Variants in L3HYPDH observed in about 807,000 individuals in gnomAD.
The protein encoded by L3HYPDH is trans-L-3-hydroxyproline dehydratase.
L3HYPDH carries 32 observed loss-of-function variants against 26.5 expected under a neutral mutation model. The observed-to-expected ratio is 1.21, with a 90% confidence interval of 0.91 to 1.62. L3HYPDH has a LOEUF of 1.62. L3HYPDH is among the 40% of genes most tolerant of loss of function. The pLI is 0.00. For missense variants in L3HYPDH, 554 were observed against 476.4 expected (o/e 1.16, Z -1.52); for synonymous variants, 215 against 196.6 (o/e 1.09, Z -0.78).
chr14:59,474,791 A>G (rs1490110537), intron 4 of L3HYPDH: 1 of 347,834 alleles, frequency 2.9e-6, no homozygotes, highest in African/African-American at 2.1e-5. Context: ...TTGGAAACTG[A>G]TGCACAGTGA....
downstream of L3HYPDH, among the ~76,000 whole-genome samples, chr14:59,470,855 CCA>C (rs1483834296): frequency 6.6e-6 from 1 of 150,552 alleles, no homozygotes; most frequent in Non-Finnish European, 1.5e-5. Flanking sequence ...TGACAGCCAT[CCA>C]CAGAGGGAAG....
rs764031959 is a variant in L3HYPDH, at chr14:59,484,065, C to G, written c.252G>C (p.Glu84Asp). The stretch of plus-strand genomic sequence containing the variant: ...GGACGCCCAGATGCGCGTCCGGCAG[C>G]TCGCTCGGGACTAGGACCGCCCCGT... ...DMYGAVLVPS[E>D]LPDAHLGVLF... Residue 84 changes from glutamate (E) to aspartate (D), a missense_variant, in exon 1 of 5, where the codon GAG (glutamate) becomes GAC (aspartate). Transcript: ENST00000247194. The G allele has an allele frequency of 3.7e-5, 59 of 1,606,992 alleles. No individual in the cohort carries two copies. The Admixed American group carries it at 6.7e-4, about 18-fold the overall frequency.
intron 2 of L3HYPDH, among the ~76,000 whole-genome samples, chr14:59,477,679 C>T (rs1889731106): frequency 6.6e-6 from 1 of 152,088 alleles, no homozygotes; most frequent in Non-Finnish European, 1.5e-5. Flanking sequence ...TCAAAAGTTG[C>T]TATCATAATA....
In L3HYPDH at chr14:59,472,833, C is replaced by A. The variant is rs147948517; in HGVS notation, c.*132G>T. The A allele has an allele frequency of 4.3e-4, 305 of 703,782 alleles. No individual in the cohort carries two copies. The African/African-American group carries it at 5.1e-3, about 12-fold the overall frequency. The allele number at this position is 703,782 out of a possible 1,614,324, so 43.6% of individuals were successfully genotyped here. On this transcript the variant is annotated 3_prime_UTR_variant, in exon 5 of 5. Coordinates refer to ENST00000247194, the MANE Select transcript of L3HYPDH (RefSeq NM_144581.2). ...GGTATAATGACTTTATATTTAGCCA[C>A]AGGGTAGTATTTTACAAAGAATGAG...
In L3HYPDH at chr14:59,484,254, C is replaced by T. The variant is rs777833335; in HGVS notation, c.63G>A (p.Ser21=). The T allele has an allele frequency of 1.7e-5, 27 of 1,597,834 alleles. No individual in the cohort carries two copies. In the South Asian group the frequency reaches 2.7e-4, roughly 16 times the overall value. ...CGCCGCCCGTGTGCATGTCCACCACCGACAGCACCGGCGTCCCTGGATCAT... is the reference window on the plus strand; with the variant it reads ...CGCCGCCCGTGTGCATGTCCACCACTGACAGCACCGGCGTCCCTGGATCAT... ...PPHDPGTPVL[S]VVDMHTGGEP... Residue 21 remains serine (S), a synonymous_variant, in exon 1 of 5, where the codon TCG becomes TCA. Transcript: ENST00000247194.
chr14:59,468,302 C>A (rs147872016), downstream of L3HYPDH, among the ~76,000 whole-genome samples: 1 of 152,326 alleles, frequency 6.6e-6, no homozygotes, highest in Non-Finnish European at 1.5e-5. Flanking sequence ...CAAGGCACTG[C>A]ATGATTTGAC....
chr14:59,486,124 A>G (rs1359671944), upstream of L3HYPDH, among the ~76,000 whole-genome samples: 2 of 152,226 alleles, frequency 1.3e-5, no homozygotes, highest in African/African-American at 2.4e-5. Flanking sequence ...ATATTGGCCC[A>G]GTGACAGCCT....
At chr14:59,470,965 G>C (rs1232776956), downstream of L3HYPDH, among the ~76,000 whole-genome samples, 13 of 127,308 alleles carry the variant, frequency 1.0e-4, no homozygotes, top group South Asian at 2.6e-3. Context: ...CGGGGGGGGG[G>C]GGAGGGCAGG....
intron 1 of L3HYPDH, among the ~76,000 whole-genome samples, chr14:59,483,180 A>C (rs1890167345): frequency 6.6e-6 from 1 of 152,260 alleles, no homozygotes; most frequent in Non-Finnish European, 1.5e-5. Flanking sequence ...AGGGAAAAGA[A>C]GAAACACAGG....
chr14:59,498,948 T>C, the L3HYPDH span: 2 of 1,166,532 alleles, frequency 1.7e-6, no homozygotes, highest in African/African-American at 1.6e-5. Context: ...ATATTTATTA[T>C]TGTATGTAGT....
downstream of L3HYPDH, among the ~76,000 whole-genome samples, chr14:59,469,416 G>T (rs1465751965): frequency 2.6e-5 from 4 of 151,924 alleles, no homozygotes; most frequent in Non-Finnish European, 5.9e-5. Context: ...TTAGCTGAAC[G>T]TAGTGGCAGG....
At chr14:59,490,737 TTC>T in the L3HYPDH span, among the ~76,000 whole-genome samples, 1 of 152,182 alleles carries the variant, frequency 6.6e-6, no homozygotes, top group East Asian at 1.9e-4. Context: ...AGTTTTTAAT[TTC>T]TGTTATATTA....
chr14:59,490,086 C>T, the L3HYPDH span, among the ~76,000 whole-genome samples: 1 of 151,908 alleles, frequency 6.6e-6, no homozygotes, highest in Admixed American at 6.6e-5. Context: ...CCATACCCTG[C>T]TAATTTTTTA....
At chr14:59,473,638 T>G (rs1889423686) in intron 4 of L3HYPDH, among the ~76,000 whole-genome samples, 1 of 152,092 alleles carries the variant, frequency 6.6e-6, no homozygotes, top group Non-Finnish European at 1.5e-5. Flanking sequence ...CATTTAGAGA[T>G]GAGTATAATA....
rs755398267 is a variant in L3HYPDH at position 59,483,992 on chromosome 14, G to A, written c.325C>T (p.Leu109=). ...TCCAAAGCGAAGCGGCCCAGCGCCA[G>A]CACTGCGTGGCCGCACATGGAGCTG... is the stretch of plus-strand genomic sequence containing the variant. ...GYSSMCGHAV[L]ALGRFALDFG... is the part of the protein sequence containing the mutation. Residue 109 remains leucine, a synonymous_variant, in exon 1 of 5, where the codon CTG becomes TTG. Coordinates refer to ENST00000247194, the MANE Select transcript of L3HYPDH (RefSeq NM_144581.2). 6.3e-7 allele frequency: 1 copy of A among 1,591,366 alleles called. No homozygotes were observed. Among genetic ancestry groups the A allele is most frequent in the South Asian group, 1.1e-5 (1 of 89,228 alleles).
downstream of L3HYPDH, among the ~76,000 whole-genome samples, chr14:59,470,354 A>C (rs959176130): frequency 2.0e-5 from 3 of 152,246 alleles, no homozygotes; most frequent in South Asian, 6.2e-4. Context: ...GGTGATTCAC[A>C]TGCACATTGA....
intron 4 of L3HYPDH, among the ~76,000 whole-genome samples, 166 bp from the exon 5 acceptor site, chr14:59,473,256 G>GAT (rs1458295297): frequency 6.6e-6 from 1 of 152,206 alleles, no homozygotes; most frequent in Non-Finnish European, 1.5e-5. Flanking sequence ...TTGTGTTTTA[G>GAT]ATAACTGTAG....
At position 59,484,272 on chromosome 14, in the gene L3HYPDH, T is replaced by A. The variant is rs1405327258; in HGVS notation, c.45A>T (p.Pro15=). The A allele has an allele frequency of 6.3e-7, 1 of 1,596,446 alleles. No homozygotes were observed. The highest frequency in any genetic ancestry group is 8.5e-7 in the Non-Finnish European group (1 of 1,178,974). Residue 15 remains proline (P), a synonymous_variant, in exon 1 of 5, where the codon CCA becomes CCT. Coordinates refer to ENST00000247194, the MANE Select transcript of L3HYPDH (RefSeq NM_144581.2). Reference sequence around the variant, plus strand: ...CCACCACCGACAGCACCGGCGTCCCTGGATCATGCGGGGGCAGCCGGGGCA... The same window carrying A: ...CCACCACCGACAGCACCGGCGTCCCAGGATCATGCGGGGGCAGCCGGGGCA... The part of the protein sequence containing the change: ...LAVPRLPPHD[P]GTPVLSVVDM...
chr14:59,484,617 G>C, upstream of L3HYPDH: 2 of 1,577,830 alleles, frequency 1.3e-6, no homozygotes, highest in Non-Finnish European at 8.6e-7. Context: ...AAGATCCCGG[G>C]AAGCGTTTCT....
Sources: allele counts gnomAD v4.1 joint callset (sites outside exome capture counted in the v4.1 genomes callset), GRCh38; gene constraint gnomAD v4.1.1; transcripts MANE v1.5; gene names NCBI Gene and HGNC (gene_info 2026-07-23, HGNC 2026-07-21).